Variants in FUT9 observed in about 807,000 individuals in gnomAD.
FUT9 encodes fucosyltransferase 9.
A neutral mutation model predicts 29.7 loss-of-function variants in FUT9; 15 were observed. The ratio of observed to expected loss-of-function variants is 0.51; its 90% confidence interval spans 0.34 to 0.78. FUT9 has a LOEUF of 0.78. Among genes scored for constraint, FUT9 ranks in the 30% least tolerant of loss-of-function variants. FUT9 has a pLI of 0.01. For missense variants in FUT9, 319 were observed against 425.4 expected (o/e 0.75, Z 2.20); for synonymous variants, 169 against 153.7 (o/e 1.10, Z -0.74).
At chr6:96,202,887 G>T (rs1773753573) in intron 2 of FUT9, among the ~76,000 whole-genome samples, 1 of 152,046 alleles carries the variant, frequency 6.6e-6, no homozygotes, top group African/African-American at 2.4e-5. Context: ...GTTAAGGATA[G>T]CATTGAAAAA....
intron 2 of FUT9, 62 bp from the exon 3 acceptor site, chr6:96,203,086 T>A: frequency 8.1e-7 from 1 of 1,234,630 alleles, no homozygotes; most frequent in Non-Finnish European, 1.1e-6. Flanking sequence ...ATCTCCAATA[T>A]ATTTATGATT....
chr6:96,091,145 A>G (rs1771405218), intron 1 of FUT9, among the ~76,000 whole-genome samples: 1 of 152,014 alleles, frequency 6.6e-6, no homozygotes, highest in South Asian at 2.1e-4. Context: ...TAAGCAAGTG[A>G]TGTAACTTCA....
intron 2 of FUT9, among the ~76,000 whole-genome samples, chr6:96,189,109 G>C (rs115335617): frequency 6.6e-6 from 1 of 152,002 alleles, no homozygotes; most frequent in Non-Finnish European, 1.5e-5. Flanking sequence ...GAGACTGTTC[G>C]GGGAAGGTTG....
At chr6:96,057,317 G>A (rs1465783229) in intron 1 of FUT9, among the ~76,000 whole-genome samples, 1 of 152,110 alleles carries the variant, frequency 6.6e-6, no homozygotes, top group Non-Finnish European at 1.5e-5. Flanking sequence ...TGCAGTTTGA[G>A]TGTCTACTTC....
intron 2 of FUT9, among the ~76,000 whole-genome samples, chr6:96,193,953 G>C (rs926376008): frequency 6.6e-6 from 1 of 152,080 alleles, no homozygotes; most frequent in African/African-American, 2.4e-5. Flanking sequence ...TATCGCAAGG[G>C]CGAAAAACCA....
intron 1 of FUT9, among the ~76,000 whole-genome samples, chr6:96,078,405 C>CTGATTTTTTTTTTTTT (rs1201729276): frequency 1.8e-4 from 8 of 45,212 alleles, no homozygotes; most frequent in South Asian, 7.5e-4. Flanking sequence ...TCATATTAGT[C>CTGATTTTTTTTTTTTT]TTCTTTTTTT....
At chr6:96,080,525 A>G (rs1270824574) in intron 1 of FUT9, among the ~76,000 whole-genome samples, 1 of 152,050 alleles carries the variant, frequency 6.6e-6, no homozygotes, top group African/African-American at 2.4e-5. Context: ...GAAGTAAGGT[A>G]TTACAAATAA....
chr6:96,159,062 T>C (rs1772845301), intron 2 of FUT9, among the ~76,000 whole-genome samples: 1 of 152,216 alleles, frequency 6.6e-6, no homozygotes, highest in African/African-American at 2.4e-5. Flanking sequence ...TCTTTTCTAA[T>C]AATGCTTCTT....
chr6:96,022,297 C>G (rs987262983), intron 1 of FUT9, among the ~76,000 whole-genome samples: 18 of 152,016 alleles, frequency 1.2e-4, no homozygotes, highest in Non-Finnish European at 2.2e-4. Flanking sequence ...ACTGGTTGTA[C>G]TCCTTGTTTT....
intron 2 of FUT9, among the ~76,000 whole-genome samples, chr6:96,201,304 A>T (rs1392326034): frequency 6.6e-6 from 1 of 151,968 alleles, no homozygotes; most frequent in Non-Finnish European, 1.5e-5. Flanking sequence ...AAAATTACTC[A>T]AAATAGTTAC....
chr6:96,208,680 A>T lies in FUT9; in HGVS notation c.*4445A>T, dbSNP rs1300798253. 1 of 166,816 alleles carries T rather than the reference A, an allele frequency of 6.0e-6. No individual in the cohort carries two copies. Among genetic ancestry groups the T allele is most frequent in the African/African-American group, 2.4e-5 (1 of 41,456 alleles). The allele number at this position is 166,816 out of a possible 1,614,324, so 10.3% of individuals were successfully genotyped here. A position where few individuals can be genotyped will look rare whatever the true frequency, so the allele number is the denominator to read the frequency against. ...ATTGTAAAGCATCAAAAGAAGTAAC[A>T]TCTCAAGAAAGATTAGAAAGGATTT... is the stretch of plus-strand genomic sequence containing the variant. On this transcript the variant is annotated 3_prime_UTR_variant, in exon 3 of 3. Transcript: ENST00000302103.
chr6:96,181,682 G>T (rs1773312105), intron 2 of FUT9, among the ~76,000 whole-genome samples: 1 of 151,850 alleles, frequency 6.6e-6, no homozygotes, highest in Admixed American at 6.6e-5. Flanking sequence ...TACAATGTTT[G>T]GTTTTCCACT....
At chr6:96,180,912 T>G (rs1773294561) in intron 2 of FUT9, among the ~76,000 whole-genome samples, 1 of 140,084 alleles carries the variant, frequency 7.1e-6, no homozygotes, top group African/African-American at 2.6e-5. Context: ...AAGCAAATGC[T>G]CCCAACTTAC....
Position 96,215,074 on chromosome 6 carries a change from G to C in FUT9, c.*10839G>C, listed in dbSNP as rs1774012367. ...GTGACATTCAGCTAACATTGATCTA[G>C]GCACTTAGTTTGCTACCACATTGTT... is the stretch of plus-strand genomic sequence containing the variant. On this transcript the variant is annotated 3_prime_UTR_variant, in exon 3 of 3. Transcript: ENST00000302103. The C allele has an allele frequency of 6.0e-6, 1 of 166,938 alleles. No homozygotes were observed. Among genetic ancestry groups the C allele is most frequent in the African/African-American group, 2.4e-5 (1 of 41,430 alleles). The allele number at this position is 166,938 out of a possible 1,614,324, so 10.3% of individuals were successfully genotyped here.
chr6:96,203,638 T>C lies in FUT9; in HGVS notation c.483T>C (p.Asp161=). 1 of 1,614,040 alleles carries C rather than the reference T, an allele frequency of 6.2e-7. No homozygotes were observed. Among genetic ancestry groups the C allele is most frequent in the Non-Finnish European group, 8.5e-7 (1 of 1,179,994 alleles). The stretch of plus-strand genomic sequence containing the variant: ...ACCTGACTCTGACTTACCGCCGTGA[T>C]TCAGATATCCAAGTGCCTTATGGCT... ...LFNLTLTYRR[D]SDIQVPYGFL... Residue 161 remains aspartate, a synonymous_variant, in exon 3 of 3, where the codon GAT becomes GAC. Coordinates refer to ENST00000302103, the MANE Select transcript of FUT9 (RefSeq NM_006581.4).
At chr6:96,127,811 C>A (rs1772161109) in intron 2 of FUT9, among the ~76,000 whole-genome samples, 1 of 151,980 alleles carries the variant, frequency 6.6e-6, no homozygotes. Context: ...TGCTTATTGG[C>A]CATGTGTATG....
chr6:96,016,301 T>C (rs987059968), intron 1 of FUT9, 89 bp downstream of exon 1: 3 of 152,554 alleles, frequency 2.0e-5, no homozygotes, highest in Admixed American at 2.0e-4. Context: ...CCAAACCAGC[T>C]GCTGTGATTC....
chr6:96,152,398 G>A (rs532975451), intron 2 of FUT9, among the ~76,000 whole-genome samples: 68 of 152,202 alleles, frequency 4.5e-4, no homozygotes, highest in South Asian at 1.9e-3. Context: ...CTTGTATTGA[G>A]TTCTAAGTGC....
intron 2 of FUT9, among the ~76,000 whole-genome samples, chr6:96,181,448 T>G (rs1773306090): frequency 6.6e-6 from 1 of 151,970 alleles, no homozygotes; most frequent in Non-Finnish European, 1.5e-5. Flanking sequence ...TTTTTTAATT[T>G]TTTTTTCATA....
Sources: gnomAD v4.1 joint callset for allele counts (sites outside exome capture counted in the v4.1 genomes callset) on GRCh38, gnomAD v4.1.1 for gene constraint, MANE v1.5 for transcripts, NCBI Gene and HGNC (gene_info 2026-07-23, HGNC 2026-07-21) for gene names.